Variants in ART4 observed in about 807,000 individuals in gnomAD.
The protein encoded by ART4 is ADP-ribosyltransferase 4 (inactive) (Dombrock blood group).
In ART4, 14 loss-of-function variants were observed where a neutral mutation model predicts 24.2. The observed-to-expected ratio is 0.58, with a 90% CI of 0.38 to 0.90. The LOEUF (loss-of-function observed/expected upper bound fraction) is 0.90, where lower values mean the gene tolerates loss of function less well. Among genes scored for constraint, ART4 ranks in the 40% least tolerant of loss-of-function variants. The probability of loss-of-function intolerance (pLI) is 0.00; values close to 1 mark genes in which losing one functional copy is unlikely to be tolerated. For missense variants in ART4, 356 were observed against 366.6 expected, an observed-to-expected ratio of 0.97 and a Z score of 0.24; for synonymous variants, 145 against 139.9, an observed-to-expected ratio of 1.04 and a Z score of -0.26.
intron 1 of ART4, among the ~76,000 whole-genome samples, chr12:14,841,984 G>C (rs1284823914): frequency 6.6e-6 from 1 of 152,204 alleles, no homozygotes. Context: ...AGGGACAGCA[G>C]AGTGAGTCAA....
At position 14,828,517 on chromosome 12, in the gene ART4, C is replaced by G. The variant is rs1024814050; in HGVS notation, c.*854G>C. On this transcript the variant is annotated 3_prime_UTR_variant, in exon 3 of 3. Coordinates refer to ENST00000228936, the MANE Select transcript of ART4 (RefSeq NM_021071.4). ...AAAAATCTCTGAAGAAAATTCACAC[C>G]TTGGTTAATCTCTGGGGTTCAAAGC... The G allele has an allele frequency of 2.6e-5, 4 of 151,926 alleles. No homozygotes were observed. Among genetic ancestry groups the G allele is most frequent in the African/African-American group, 9.7e-5 (4 of 41,332 alleles). 9.4% of individuals were successfully genotyped at this position (151,926 alleles called of 1,614,324 possible).
At chr12:14,833,301 T>G (rs575733293) in intron 2 of ART4, among the ~76,000 whole-genome samples, 1 of 152,312 alleles carries the variant, frequency 6.6e-6, no homozygotes, top group Admixed American at 6.5e-5. Context: ...ATGTAAACAG[T>G]CATAGTCAAG....
intron 2 of ART4, among the ~76,000 whole-genome samples, chr12:14,829,734 C>T (rs1950381484): frequency 6.6e-6 from 1 of 152,180 alleles, no homozygotes; most frequent in Non-Finnish European, 1.5e-5. Context: ...TCATCACCAG[C>T]AGCATAATCA....
chr12:14,829,835 T>C (rs1330045091), intron 2 of ART4, among the ~76,000 whole-genome samples: 1 of 152,236 alleles, frequency 6.6e-6, no homozygotes, highest in African/African-American at 2.4e-5. Context: ...TGCTAGGATC[T>C]ATTTCGAGCC....
At position 14,825,813 on chromosome 12, in the gene ART4, A is replaced by C. The variant is rs1243901296; in HGVS notation, c.*3558T>G. 1 of 152,216 alleles carries C rather than the reference A, an allele frequency of 6.6e-6. No homozygotes were observed. The highest frequency in any genetic ancestry group is 6.5e-5 in the Admixed American group (1 of 15,280). 9.4% of individuals were successfully genotyped at this position (152,216 alleles called of 1,614,324 possible). A position where few individuals can be genotyped will look rare whatever the true frequency, so the allele number is the denominator to read the frequency against. ...AGAGTAAATAGAGAACTTCAGGATA[A>C]TCTAATAGGCGTATTAAAGAGAACA... On this transcript the variant is annotated 3_prime_UTR_variant, in exon 3 of 3. Transcript: ENST00000228936.
Position 14,840,996 on chromosome 12 carries a change from TG to T in ART4, c.301del (p.His101ThrfsTer2). 6.2e-7 allele frequency: 1 copy of T among 1,614,218 alleles called. No homozygotes were observed. Among genetic ancestry groups the T allele is most frequent in the East Asian group, 2.2e-5 (1 of 44,884 alleles). On this transcript the variant is annotated frameshift_variant, in exon 2 of 3. Transcript: ENST00000228936. LOFTEE classifies it high-confidence loss of function. ...KNYFRMWQKAHLAWLNQGKVL... is the reference protein window; with the variant it reads ...KNYFRMWQKAXLAWLNQGKVL... ...TTTTCCTTGGTTAAGCCAGGCTAAG[TG>T]GGCTTTTTGCCACATCCTAAAATAA...
At chr12:14,834,782 G>A (rs943473339) in intron 2 of ART4, among the ~76,000 whole-genome samples, 1 of 152,174 alleles carries the variant, frequency 6.6e-6, no homozygotes, top group Non-Finnish European at 1.5e-5. Context: ...AACCAGTACA[G>A]GTCATGTGAG....
chr12:14,842,209 G>T (rs193009227), intron 1 of ART4, among the ~76,000 whole-genome samples: 1 of 152,080 alleles, frequency 6.6e-6, no homozygotes, highest in African/African-American at 2.4e-5. Flanking sequence ...TTCCTTTCTT[G>T]GCAAAGAAAT....
intron 2 of ART4, 50 bp downstream of exon 2, chr12:14,840,395 A>G (rs773958380): frequency 6.8e-7 from 1 of 1,460,036 alleles, no homozygotes; most frequent in Admixed American, 2.3e-5. Context: ...ACTTTTATAA[A>G]AGAGCAGTGG....
intron 2 of ART4, among the ~76,000 whole-genome samples, chr12:14,836,044 A>T (rs1036745277): frequency 6.6e-6 from 1 of 152,052 alleles, no homozygotes; most frequent in Non-Finnish European, 1.5e-5. Flanking sequence ...AGTGAACCCT[A>T]TGTTATTTTC....
chr12:14,836,044 A>G (rs1036745277), intron 2 of ART4, among the ~76,000 whole-genome samples: 2 of 152,052 alleles, frequency 1.3e-5, no homozygotes, highest in Non-Finnish European at 2.9e-5. Flanking sequence ...AGTGAACCCT[A>G]TGTTATTTTC....
At chr12:14,840,324 A>C in intron 2 of ART4, 121 bp downstream of exon 2, 1 of 798,066 alleles carries the variant, frequency 1.3e-6, no homozygotes, top group Non-Finnish European at 2.0e-6. Flanking sequence ...CAGTTCCATC[A>C]TTACCGAAGG....
chr12:14,830,698 T>TATAC (rs1950391472), intron 2 of ART4, among the ~76,000 whole-genome samples: 2 of 98,734 alleles, frequency 2.0e-5, no homozygotes, highest in African/African-American at 7.4e-5. Flanking sequence ...TATATATATA[T>TATAC]ACAGTAATTT....
rs747130006 is a variant in ART4 at position 14,841,112 on chromosome 12, A to G, written c.186T>C (p.Phe62=). 2.5e-6 allele frequency: 4 copies of G among 1,590,802 alleles called. No individual in the cohort carries two copies. Among genetic ancestry groups the G allele is most frequent in the Non-Finnish European group, 1.7e-6 (2 of 1,172,092 alleles). The change falls in exon 2 of 3, where the codon TTT becomes TTC. Residue 62 remains phenylalanine (F), a synonymous_variant. Coordinates refer to ENST00000228936, the MANE Select transcript of ART4 (RefSeq NM_021071.4). ...KIDFDFAPGS[F]DDQYQGCSKQ... ...TGCTACAGCCTTGGTACTGATCATC[A>G]AAAGAACCTGGTGCGAAGTCGAAGT... is the stretch of plus-strand genomic sequence containing the variant.
chr12:14,838,926 A>G (rs1950448142), intron 2 of ART4, among the ~76,000 whole-genome samples: 1 of 151,910 alleles, frequency 6.6e-6, no homozygotes, highest in Non-Finnish European at 1.5e-5. Context: ...TGAATCAAAA[A>G]GGGCACAGGA....
intron 2 of ART4, among the ~76,000 whole-genome samples, chr12:14,838,316 C>A (rs1359639408): frequency 6.6e-6 from 1 of 152,024 alleles, no homozygotes; most frequent in Non-Finnish European, 1.5e-5. Context: ...TACTCCTTTC[C>A]CTCAGTTTCC....
chr12:14,843,460 TTC>T lies in ART4; in HGVS notation c.-349_-348del, dbSNP rs1863089324. 1 of 177,042 alleles carries T rather than the reference TTC, an allele frequency of 5.6e-6. No individual in the cohort carries two copies. The highest frequency in any genetic ancestry group is 1.2e-5 in the Non-Finnish European group (1 of 82,422). 11.0% of individuals were successfully genotyped at this position (177,042 alleles called of 1,614,324 possible). A position where few individuals can be genotyped will look rare whatever the true frequency, so the allele number is the denominator to read the frequency against. ...TCCTGTTAAGTGTCAGACTCAGCAG[TTC>T]AGCCTTCCCTTTCCCAGCCAAACAG... is the stretch of plus-strand genomic sequence containing the variant. On this transcript the variant is annotated 5_prime_UTR_variant, in exon 1 of 3. It removes the in-frame stop codon of an upstream open reading frame in the 5' UTR. Coordinates refer to ENST00000228936, the MANE Select transcript of ART4 (RefSeq NM_021071.4).
chr12:14,830,641 G>C (rs1249850315), intron 2 of ART4, among the ~76,000 whole-genome samples: 4 of 52,230 alleles, frequency 7.7e-5, no homozygotes, highest in African/African-American at 2.8e-4. Flanking sequence ...TGTGTGTACT[G>C]TATGTATGTA....
chr12:14,828,073 G>A lies in ART4; in HGVS notation c.*1298C>T, dbSNP rs1010134318. The A allele has an allele frequency of 1.2e-4, 18 of 152,220 alleles. No homozygotes were observed. The highest frequency in any genetic ancestry group is 7.2e-4 in the Admixed American group (11 of 15,294). 9.4% of individuals were successfully genotyped at this position (152,220 alleles called of 1,614,324 possible). On this transcript the variant is annotated 3_prime_UTR_variant, in exon 3 of 3. Coordinates refer to ENST00000228936, the MANE Select transcript of ART4 (RefSeq NM_021071.4). The stretch of plus-strand genomic sequence containing the variant: ...ATCGGGTTAAATAATCCCTTATGTC[G>A]CTACCTAAATTACTACCTGAGGGAA...
Sources: allele counts gnomAD v4.1 joint callset (sites outside exome capture counted in the v4.1 genomes callset), GRCh38; gene constraint gnomAD v4.1.1; transcripts MANE v1.5; gene names NCBI Gene and HGNC (gene_info 2026-07-23, HGNC 2026-07-21).